PLSCR2: variants seen among roughly 807,000 people sequenced by gnomAD.
PLSCR2 encodes PL scramblase 2.
PLSCR2 carries 18 observed loss-of-function variants against 25.3 expected under a neutral mutation model. The ratio of observed to expected loss-of-function variants is 0.71; its 90% CI spans 0.49 to 1.06. The LOEUF (loss-of-function observed/expected upper bound fraction) is 1.06. Among genes scored for constraint, PLSCR2 ranks in the 50% least tolerant of loss-of-function variants. The pLI is 0.00. For missense variants in PLSCR2, 243 were observed against 269.5 expected (o/e 0.90, Z 0.69); for synonymous variants, 88 against 87.3 (o/e 1.01, Z -0.04).
At chr3:146,426,887 T>G (rs2039373252) in intron 2 of PLSCR2, among the ~76,000 whole-genome samples, 1 of 152,154 alleles carries the variant, frequency 6.6e-6, no homozygotes, top group African/African-American at 2.4e-5. Context: ...AAATAAAGTG[T>G]GTATCTTTAT....
chr3:146,479,428 C>G (rs545484296), intron 1 of PLSCR2, among the ~76,000 whole-genome samples: 3 of 152,222 alleles, frequency 2.0e-5, no homozygotes, highest in African/African-American at 7.2e-5. Context: ...CAAAACAAAG[C>G]AGGGGTTGGA....
exon 6 of PLSCR2, chr3:146,449,254 G>A (rs1368668834): frequency 6.2e-7 from 1 of 1,612,788 alleles, no homozygotes; most frequent in Non-Finnish European, 8.5e-7. Context: ...TAACATCAAG[G>A]TCTCTAGGGA....
At chr3:146,495,075 A>C (rs548112523) in intron 1 of PLSCR2, 1 of 152,332 alleles carries the variant, frequency 6.6e-6, no homozygotes, top group East Asian at 1.9e-4. Context: ...TAAATAATGG[A>C]TTGGGAAAGA....
Position 146,491,383 on chromosome 3 carries a change from A to G in PLSCR2, c.-293+4512T>C, listed in dbSNP as rs116067725. Among the ~76,000 whole-genome samples the G allele has an allele frequency of 4.2e-3, 633 of 151,708 alleles. 6 individuals carry two copies. Among genetic ancestry groups the G allele is most frequent in the African/African-American group, 0.015 (610 of 41,372 alleles). ...TTACAGGGTTCTCTGAATTTCTTAA[A>G]TTTTCACACTGAAAATTCTCTAGTG... On this transcript the variant is annotated intron_variant, in intron 1 of 8. Coordinates refer to the PLSCR2 transcript ENST00000336685.
Position 146,406,796 on chromosome 3 carries a change from G to T in PLSCR2, c.101-10875C>A, listed in dbSNP as rs148657993. 7.4e-4 allele frequency among the ~76,000 whole-genome samples: 113 copies of T among 152,222 alleles called. 1 individual carries two copies. In the East Asian group the frequency reaches 0.017, roughly 23 times the overall value. ...TGAGGTCTTTTCTAAGCAGGAGTGA[G>T]TCCTTCTTTCTGGAACTTTTTAACA... On this transcript the variant is annotated intron_variant and NMD_transcript_variant, in intron 2 of 3. Coordinates refer to the PLSCR2 transcript ENST00000463633.
intron 1 of PLSCR2, among the ~76,000 whole-genome samples, chr3:146,476,406 C>A (rs1268264292): frequency 6.6e-6 from 1 of 152,206 alleles, no homozygotes; most frequent in African/African-American, 2.4e-5. Flanking sequence ...CATGAGATCC[C>A]ACTTGTGAGC....
chr3:146,415,982 G>A (rs1349921489), intron 2 of PLSCR2, among the ~76,000 whole-genome samples: 1 of 151,884 alleles, frequency 6.6e-6, no homozygotes, highest in Non-Finnish European at 1.5e-5. Flanking sequence ...ACAGAGTCTA[G>A]CTCTGTCACC....
At chr3:146,410,244 C>T (rs2038801543) in intron 2 of PLSCR2, among the ~76,000 whole-genome samples, 1 of 151,946 alleles carries the variant, frequency 6.6e-6, no homozygotes, top group South Asian at 2.1e-4. Flanking sequence ...AGAGTAGCCA[C>T]GGAGGAACAG....
intron 5 of PLSCR2, among the ~76,000 whole-genome samples, chr3:146,450,516 T>C (rs2040829837): frequency 6.6e-6 from 1 of 152,244 alleles, no homozygotes; most frequent in South Asian, 2.1e-4. Context: ...CTTTGCCTTG[T>C]GGCTTGTTTG....
chr3:146,480,089 A>G (rs1263173649), intron 1 of PLSCR2, among the ~76,000 whole-genome samples: 3 of 152,144 alleles, frequency 2.0e-5, no homozygotes, highest in East Asian at 1.9e-4. Flanking sequence ...TCAAAGCCGT[A>G]TGTAGAGGGA....
chr3:146,468,446 G>A (rs2041962624), intron 1 of PLSCR2, among the ~76,000 whole-genome samples: 2 of 152,344 alleles, frequency 1.3e-5, no homozygotes, highest in African/African-American at 2.4e-5. Flanking sequence ...AAGTGGCCAT[G>A]CCAAGACTTC....
intron 1 of PLSCR2, among the ~76,000 whole-genome samples, chr3:146,492,400 T>G (rs548994807): frequency 6.6e-6 from 1 of 152,090 alleles, no homozygotes; most frequent in African/African-American, 2.4e-5. Context: ...CACATACTTG[T>G]GCATAAAGCA....
intron 2 of PLSCR2, among the ~76,000 whole-genome samples, chr3:146,420,779 A>G (rs1367669849): frequency 6.6e-6 from 1 of 152,146 alleles, no homozygotes; most frequent in Non-Finnish European, 1.5e-5. Flanking sequence ...GAATCCTTAG[A>G]GAAAATAGGC....
downstream of PLSCR2, among the ~76,000 whole-genome samples, chr3:146,437,344 A>G (rs2039936917): frequency 1.3e-5 from 2 of 152,318 alleles, no homozygotes; most frequent in Admixed American, 1.3e-4. Flanking sequence ...TAGTTTCTAA[A>G]GGAATGGTAC....
intron 3 of PLSCR2, among the ~76,000 whole-genome samples, chr3:146,456,234 T>C (rs1464422088): frequency 6.6e-6 from 1 of 152,148 alleles, no homozygotes; most frequent in African/African-American, 2.4e-5. Flanking sequence ...TACCAAGGAC[T>C]TCCATATTGA....
At chr3:146,424,301 C>A (rs2039261269) in intron 2 of PLSCR2, among the ~76,000 whole-genome samples, 1 of 151,916 alleles carries the variant, frequency 6.6e-6, no homozygotes, top group African/African-American at 2.4e-5. Flanking sequence ...AGACACTAAC[C>A]CTTTGGGATC....
chr3:146,493,495 G>A lies in PLSCR2; in HGVS notation c.-293+2400C>T, dbSNP rs753705394. Among the ~76,000 whole-genome samples, 20 of 152,208 alleles carry A rather than the reference G, an allele frequency of 1.3e-4. 1 individual carries two copies. Among genetic ancestry groups the A allele is most frequent in the South Asian group, 1.0e-3 (5 of 4,832 alleles). On this transcript the variant is annotated intron_variant, in intron 1 of 8. Coordinates refer to the PLSCR2 transcript ENST00000336685. ...GTTCAGCATATGCAATTCACGAAAT[G>A]TGATTCATCACATAAACAGAACTAA...
chr3:146,391,863 A>G (rs7619521), intron 3 of PLSCR2, among the ~76,000 whole-genome samples: 82,378 of 151,830 alleles, frequency 0.54, 22,550 homozygotes, highest in South Asian at 0.72. Flanking sequence ...TTACATACTC[A>G]TTTTAGAAAA....
At chr3:146,393,803 C>T (rs1267337150) in intron 3 of PLSCR2, among the ~76,000 whole-genome samples, 3 of 93,578 alleles carry the variant, frequency 3.2e-5, no homozygotes, top group Admixed American at 1.3e-4. Flanking sequence ...ACAGAGACTC[C>T]GTCTCAAAAA....
Sources: allele counts gnomAD v4.1 joint callset (sites outside exome capture counted in the v4.1 genomes callset), GRCh38; gene constraint gnomAD v4.1.1; transcripts MANE v1.5; gene names NCBI Gene and HGNC (gene_info 2026-07-23, HGNC 2026-07-21).